LMBR1L: variants seen among roughly 807,000 people sequenced by gnomAD.
The protein encoded by LMBR1L is protein LMBR1L.
A neutral mutation model predicts 67.3 loss-of-function variants in LMBR1L; 47 were observed. The ratio of observed to expected loss-of-function variants is 0.70; its 90% CI spans 0.55 to 0.89. The LOEUF (loss-of-function observed/expected upper bound fraction) is 0.89, where lower values mean the gene tolerates loss of function less well. LMBR1L is among the 40% of genes least tolerant of loss of function. The pLI is 0.00. For synonymous variants in LMBR1L, 247 were observed against 250.3 expected (o/e 0.99, Z 0.13); for missense variants, 533 against 599.2 (o/e 0.89, Z 1.15).
intron 1 of LMBR1L, chr12:49,109,612 G>A: frequency 2.3e-6 from 1 of 442,934 alleles, no homozygotes; most frequent in South Asian, 1.6e-5. Context: ...ACTATCTGGA[G>A]ATGAGGGTTG....
At chr12:49,103,473 T>C (rs1253563429) in intron 6 of LMBR1L, among the ~76,000 whole-genome samples, 1 of 152,218 alleles carries the variant, frequency 6.6e-6, no homozygotes, top group Admixed American at 6.5e-5. Context: ...TTTAAAATGT[T>C]AGCAACTGAA....
intron 2 of LMBR1L, chr12:49,106,653 C>T (rs1318015927): frequency 5.9e-6 from 8 of 1,360,662 alleles, no homozygotes; most frequent in South Asian, 1.2e-5. Flanking sequence ...CAGTTGCTCA[C>T]TTCAGGTTCA....
At position 49,103,590 on chromosome 12, in the gene LMBR1L, C is replaced by T. The variant is rs76057962; in HGVS notation, c.562+97G>A. On this transcript the variant is annotated intron_variant, in intron 6 of 16. Transcript: ENST00000267102. ...AAACTTCAGTCTAAGGGAGAAGGTGCCAACATTTTCCACTTTAGAAGGTTA... is the reference window on the plus strand; with the variant it reads ...AAACTTCAGTCTAAGGGAGAAGGTGTCAACATTTTCCACTTTAGAAGGTTA... The T allele has an allele frequency of 3.8e-3, 5,455 of 1,449,268 alleles. 167 individuals are homozygous for T. In the African/African-American group the frequency reaches 0.068, roughly 18 times the overall value. 89.8% of individuals were successfully genotyped at this position (1,449,268 alleles called of 1,614,324 possible). A position where few individuals can be genotyped will look rare whatever the true frequency, so the allele number is the denominator to read the frequency against.
chr12:49,109,582 A>G, intron 1 of LMBR1L: 2 of 409,500 alleles, frequency 4.9e-6, no homozygotes, highest in East Asian at 7.3e-5. Context: ...CTGTTTTTCC[A>G]AACCATTCCC....
intron 11 of LMBR1L, chr12:49,101,900 G>A: frequency 1.7e-6 from 1 of 593,388 alleles, no homozygotes; most frequent in South Asian, 2.0e-5. Context: ...CTGGCCCTGT[G>A]TCTTTGGGCA....
chr12:49,110,634 C>A lies in LMBR1L; in HGVS notation c.-79G>T. 1.6e-6 allele frequency: 2 copies of A among 1,272,164 alleles called. No homozygotes were observed. The highest frequency in any genetic ancestry group is 2.3e-6 in the Non-Finnish European group (2 of 872,090). The allele number at this position is 1,272,164 out of a possible 1,614,324, so 78.8% of individuals were successfully genotyped here. Reference sequence around the variant, plus strand: ...CGGGGAGGAAGCCGCCGCCGCCAAGCACCCAGACCCAGCCTAGGGGCCTTT... The same window carrying A: ...CGGGGAGGAAGCCGCCGCCGCCAAGAACCCAGACCCAGCCTAGGGGCCTTT... On this transcript the variant is annotated 5_prime_UTR_variant, in exon 1 of 17. Coordinates refer to ENST00000267102, the MANE Select transcript of LMBR1L (RefSeq NM_018113.4).
intron 11 of LMBR1L, 22 bp downstream of exon 11, chr12:49,102,098 C>A: frequency 6.2e-7 from 1 of 1,611,410 alleles, no homozygotes; most frequent in Non-Finnish European, 8.5e-7. Flanking sequence ...CCACTCCTCA[C>A]CTCTAGGGCT....
Position 49,100,464 on chromosome 12 carries a change from A to G in LMBR1L, c.1174-10T>C, listed in dbSNP as rs763159593. On this transcript the variant is annotated splice_polypyrimidine_tract_variant and intron_variant, in intron 14 of 16. Coordinates refer to ENST00000267102, the MANE Select transcript of LMBR1L (RefSeq NM_018113.4). ...CACAGTTCCCAATTATCTGGGTGGA[A>G]GCAGGGAAAGGAGAGGTGAGGGTGG... 6.2e-7 allele frequency: 1 copy of G among 1,613,608 alleles called. No homozygotes were observed. Among genetic ancestry groups the G allele is most frequent in the Admixed American group, 1.7e-5 (1 of 60,022 alleles).
Position 49,106,996 on chromosome 12 carries a change from A to G in LMBR1L, c.122T>C (p.Leu41Pro). 1 of 1,613,856 alleles carries G rather than the reference A, an allele frequency of 6.2e-7. No individual in the cohort carries two copies. Among genetic ancestry groups the G allele is most frequent in the Non-Finnish European group, 8.5e-7 (1 of 1,179,678 alleles). ...ATLYILCHIF[L>P]TRFKKPAEFT... ...CTCAGCAGGCTTCTTGAAGCGGGTC[A>G]GGAAGATGTGGCAGAGGATGTACAG... is the stretch of plus-strand genomic sequence containing the variant. The change falls in exon 2 of 17, where the codon CTG becomes CCG. Residue 41 changes from leucine to proline, a missense_variant. This residue lies in a region of LMBR1L where 246 missense variants were observed against 249.0 expected (regional missense o/e 0.99). Coordinates refer to ENST00000267102, the MANE Select transcript of LMBR1L (RefSeq NM_018113.4).
intron 1 of LMBR1L, 99 bp downstream of exon 1, chr12:49,110,385 A>T: frequency 8.5e-7 from 1 of 1,175,726 alleles, no homozygotes; most frequent in Non-Finnish European, 1.3e-6. Flanking sequence ...CCGCTGGCCC[A>T]GGCATGGTTT....
At chr12:49,106,513 A>AG in intron 2 of LMBR1L, 1 of 1,188,188 alleles carries the variant, frequency 8.4e-7, no homozygotes. Flanking sequence ...GAGCATACTC[A>AG]GGCTCCCCAT....
At chr12:49,105,585 C>G (rs1170216793) in intron 3 of LMBR1L, among the ~76,000 whole-genome samples, 2 of 152,212 alleles carry the variant, frequency 1.3e-5, no homozygotes, top group Non-Finnish European at 1.5e-5. Context: ...CTTCCCCACA[C>G]CCTGCTCTTT....
At chr12:49,109,577 T>G in intron 1 of LMBR1L, 2 of 405,234 alleles carry the variant, frequency 4.9e-6, no homozygotes, top group East Asian at 1.5e-4. Context: ...TCTTTCTGTT[T>G]TTCCAAACCA....
rs2120951836 is a variant in LMBR1L at position 49,102,168 on chromosome 12, T to C, written c.882A>G (p.Gln294=). ...TAGCCAGGGGGTAGCCCAGGTTCCG[T>C]TGCCAGGCTGAAGCCTTCCGCCTCT... is the stretch of plus-strand genomic sequence containing the variant. ...LEKRRKASAW[Q]RNLGYPLAML... The change falls in exon 11 of 17, where the codon CAA becomes CAG. Residue 294 remains glutamine (Q), a synonymous_variant. Transcript: ENST00000267102. 1.2e-6 allele frequency: 2 copies of C among 1,614,170 alleles called. No individual in the cohort carries two copies. The highest frequency in any genetic ancestry group is 1.1e-5 in the South Asian group (1 of 91,086).
chr12:49,101,095 CTTCT>C lies in LMBR1L; in HGVS notation c.1082+151_1082+154del, dbSNP rs1592204174. ...CCCTCCTTTCAAATTAAGTCTTTTC[CTTCT>C]TTCTGAACCTGAGGTTGATGAAAAC... On this transcript the variant is annotated intron_variant, in intron 13 of 16. Coordinates refer to ENST00000267102, the MANE Select transcript of LMBR1L (RefSeq NM_018113.4). 2.6e-6 allele frequency: 4 copies of C among 1,509,964 alleles called. No homozygotes were observed. In the East Asian group the frequency reaches 9.5e-5, roughly 36 times the overall value. The allele number at this position is 1,509,964 out of a possible 1,614,324, so 93.5% of individuals were successfully genotyped here. A position where few individuals can be genotyped will look rare whatever the true frequency, so the allele number is the denominator to read the frequency against.
Position 49,105,915 on chromosome 12 carries a change from G to A in LMBR1L, c.191+9C>T, listed in dbSNP as rs1484346045. 1.2e-6 allele frequency: 2 copies of A among 1,611,692 alleles called. No individual in the cohort carries two copies. The highest frequency in any genetic ancestry group is 1.7e-4 in the Middle Eastern group (1 of 6,052). On this transcript the variant is annotated intron_variant, in intron 3 of 16. Transcript: ENST00000267102. The stretch of plus-strand genomic sequence containing the variant: ...CACTGATGTTAGGTGCTGAGGCAGG[G>A]ACACTTACGCAATCTTGTTGACGGT...
At chr12:49,100,303 G>A in intron 15 of LMBR1L, 85 bp downstream of exon 15, 1 of 1,042,620 alleles carries the variant, frequency 9.6e-7, no homozygotes, top group East Asian at 2.4e-5. Context: ...GGGAATTAGA[G>A]AAATTATGTA....
intron 3 of LMBR1L, 122 bp from the exon 4 acceptor site, chr12:49,105,007 T>C: frequency 9.0e-7 from 1 of 1,114,856 alleles, no homozygotes; most frequent in Admixed American, 2.2e-5. Context: ...ATCACAGAGC[T>C]AAGGAAGGAG....
In LMBR1L at chr12:49,097,694, G is replaced by A; in HGVS notation, c.1448C>T (p.Ser483Phe). Reference sequence around the variant, plus strand: ...AGGTCACTGGTGCTGGGTCTTCCTAGATGCCTGGGGGAAACCGGAGACGGG... The same window carrying A: ...AGGTCACTGGTGCTGGGTCTTCCTAAATGCCTGGGGGAAACCGGAGACGGG... ...PLPVSGFPQA[S>F]RKTQHQ The change falls in exon 17 of 17, where the codon TCT becomes TTT. Residue 483 changes from serine to phenylalanine, a missense_variant. Coordinates refer to ENST00000267102, the MANE Select transcript of LMBR1L (RefSeq NM_018113.4). 1 of 1,613,822 alleles carries A rather than the reference G, an allele frequency of 6.2e-7. No homozygotes were observed.
Sources: gnomAD v4.1 joint callset for allele counts (sites outside exome capture counted in the v4.1 genomes callset) on GRCh38, gnomAD v4.1.1 for gene constraint, gnomAD v4.1.1 regional missense constraint, MANE v1.5 for transcripts, NCBI Gene and HGNC (gene_info 2026-07-23, HGNC 2026-07-21) for gene names.